JADE3: variants seen among roughly 807,000 people sequenced by gnomAD.
JADE3 encodes the protein protein Jade-3.
Under a neutral mutation model 50.1 loss-of-function variants are expected in JADE3, and 2 were observed. The ratio of observed to expected loss-of-function variants is 0.04; its 90% CI spans 0.02 to 0.13. The LOEUF (loss-of-function observed/expected upper bound fraction) is 0.13, where lower values mean the gene tolerates loss of function less well. Among genes scored for constraint, JADE3 ranks in the 10% least tolerant of loss-of-function variants. The pLI, the probability that JADE3 is intolerant of heterozygous loss-of-function variation, is 1.00. For synonymous variants in JADE3, 218 were observed against 232.9 expected, an observed-to-expected ratio of 0.94 and a Z score of 0.58; for missense variants, 475 against 634.4, an observed-to-expected ratio of 0.75 and a Z score of 2.70.
Position 47,059,244 on chromosome X carries a change from T to C in JADE3, c.*167T>C, listed in dbSNP as rs1929709169. On this transcript the variant is annotated 3_prime_UTR_variant, in exon 11 of 11. Transcript: ENST00000614628. ...TTTTTGAAAATGTTTCAAGTCTAGT[T>C]TTTACAAGCACATTACAGTAATTGC... 2 of 444,464 alleles carry C rather than the reference T, an allele frequency of 4.5e-6. No homozygotes were observed. The highest frequency in any genetic ancestry group is 7.4e-6 in the Non-Finnish European group (2 of 268,776). The allele number at this position is 444,464 out of a possible 1,213,427, so 36.6% of individuals were successfully genotyped here. A position where few individuals can be genotyped will look rare whatever the true frequency, so the allele number is the denominator to read the frequency against.
intron 1 of JADE3, among the ~76,000 whole-genome samples, chrX:46,930,250 T>C (rs1926461326): frequency 9.0e-6 from 1 of 111,206 alleles, no homozygotes; most frequent in African/African-American, 3.3e-5. Flanking sequence ...GGAAGAGAGA[T>C]GGTATGGAGA....
chrX:46,991,653 G>A (rs1391688401), intron 3 of JADE3, among the ~76,000 whole-genome samples: 1 of 111,428 alleles, frequency 9.0e-6, no homozygotes, highest in Non-Finnish European at 1.9e-5. Flanking sequence ...TTTTCCAAAG[G>A]GGCTCATCAT....
chrX:46,928,329 A>G (rs1926415137), intron 1 of JADE3, among the ~76,000 whole-genome samples: 1 of 111,391 alleles, frequency 9.0e-6, no homozygotes, highest in Non-Finnish European at 1.9e-5. Flanking sequence ...CCCCTACTAC[A>G]TATTTCCTCA....
intron 3 of JADE3, among the ~76,000 whole-genome samples, chrX:46,990,349 G>A (rs782134702): frequency 8.9e-6 from 1 of 111,762 alleles, no homozygotes; most frequent in South Asian, 3.8e-4. Flanking sequence ...GGGAAGAGGG[G>A]TCCTGACTCT....
chrX:46,974,374 C>T (rs1302143032), intron 1 of JADE3, among the ~76,000 whole-genome samples: 2 of 110,749 alleles, frequency 1.8e-5, no homozygotes, highest in Admixed American at 9.5e-5. Context: ...CACTGTACTC[C>T]AGCTTGGGCG....
chrX:47,060,238 G>C lies in JADE3; in HGVS notation c.*1161G>C, dbSNP rs889776486. ...GTAGGAAGAGAATAATTACATTTGC[G>C]GGGGGGGGGGTGGATAAAAACATGT... is the stretch of plus-strand genomic sequence containing the variant. On this transcript the variant is annotated 3_prime_UTR_variant, in exon 11 of 11. Transcript: ENST00000614628. The C allele has an allele frequency of 4.3e-4, 21 of 48,905 alleles. No homozygotes were observed. Among genetic ancestry groups the C allele is most frequent in the African/African-American group, 1.7e-3 (12 of 6,988 alleles). The allele number at this position is 48,905 out of a possible 1,213,427, so 4.0% of individuals were successfully genotyped here.
intron 1 of JADE3, among the ~76,000 whole-genome samples, chrX:46,968,595 GA>G (rs1292198314): frequency 5.4e-5 from 6 of 110,131 alleles, no homozygotes; most frequent in African/African-American, 1.7e-4. Flanking sequence ...TAAATGGATG[GA>G]AAAAAAATAT....
At position 47,058,363 on chromosome X, in the gene JADE3, A is replaced by G. The variant is rs1176386630; in HGVS notation, c.1758A>G (p.Leu586=). The G allele has an allele frequency of 8.3e-7, 1 of 1,208,702 alleles. No individual in the cohort carries two copies. Among genetic ancestry groups the G allele is most frequent in the Non-Finnish European group, 1.1e-6 (1 of 894,571 alleles). ...ACATGCAGGTGCCTCAGGAGTCACT[A>G]GAAATGAGAACAAAATCGTATCCGA... ...IRNMQVPQES[L]EMRTKSYPRY... is the part of the protein sequence containing the mutation. Residue 586 remains leucine, a synonymous_variant, in exon 11 of 11, where the codon CTA becomes CTG. Coordinates refer to ENST00000614628, the MANE Select transcript of JADE3 (RefSeq NM_014735.5).
chrX:47,043,912 A>T (rs190750429), intron 8 of JADE3, among the ~76,000 whole-genome samples: 1 of 111,309 alleles, frequency 9.0e-6, no homozygotes, highest in East Asian at 2.8e-4. Context: ...AATACATCAG[A>T]GTCTCTTAAC....
At chrX:47,014,349 C>T (rs1398945098) in intron 4 of JADE3, among the ~76,000 whole-genome samples, 1 of 111,990 alleles carries the variant, frequency 8.9e-6, no homozygotes, top group Non-Finnish European at 1.9e-5. Flanking sequence ...TTTTTCCTTG[C>T]AAATTGATGA....
At chrX:46,940,009 A>G (rs782010847) in intron 1 of JADE3, among the ~76,000 whole-genome samples, 3 of 112,570 alleles carry the variant, frequency 2.7e-5, no homozygotes, top group Non-Finnish European at 5.6e-5. Context: ...TTACACTACA[A>G]TGGCAGAATT....
At chrX:46,980,927 A>G (rs914920425) in intron 1 of JADE3, among the ~76,000 whole-genome samples, 182 of 111,375 alleles carry the variant, frequency 1.6e-3, no homozygotes, top group African/African-American at 5.7e-3. Context: ...TTAAAAGTGG[A>G]AGAGGGAAGC....
At chrX:47,029,964 T>G (rs781883890) in intron 6 of JADE3, among the ~76,000 whole-genome samples, 7 of 111,625 alleles carry the variant, frequency 6.3e-5, no homozygotes, top group Non-Finnish European at 1.3e-4. Flanking sequence ...CCATTTGTAG[T>G]CCTTATCCAT....
In JADE3 at chrX:47,028,049, T is replaced by C; in HGVS notation, c.633T>C (p.Ser211=). The C allele has an allele frequency of 8.3e-7, 1 of 1,209,883 alleles. No individual in the cohort carries two copies. Among genetic ancestry groups the C allele is most frequent in the South Asian group, 1.8e-5 (1 of 56,904 alleles). Reference sequence around the variant, plus strand: ...GTGATGTGTGCCGGTCTCCAGACAGTGAAGAAGGGAATGATATGGTGTTCT... The same window carrying C: ...GTGATGTGTGCCGGTCTCCAGACAGCGAAGAAGGGAATGATATGGTGTTCT... ...VICDVCRSPD[S]EEGNDMVFCD... is the part of the protein sequence containing the mutation. Residue 211 remains serine, a synonymous_variant, in exon 6 of 11, where the codon AGT becomes AGC. Coordinates refer to ENST00000614628, the MANE Select transcript of JADE3 (RefSeq NM_014735.5).
chrX:46,978,196 G>A (rs1440492548), intron 1 of JADE3, among the ~76,000 whole-genome samples: 3 of 111,611 alleles, frequency 2.7e-5, no homozygotes, highest in East Asian at 5.6e-4. Context: ...AACACCTAAC[G>A]ATAGCTGATG....
In JADE3 at chrX:47,054,247, C is replaced by T. The variant is rs782617614; in HGVS notation, c.1062C>T (p.Asp354=). The change falls in exon 9 of 11, where the codon GAC becomes GAT. Residue 354 remains aspartate, a synonymous_variant. Coordinates refer to ENST00000614628, the MANE Select transcript of JADE3 (RefSeq NM_014735.5). ...TGAAGACCATCCTAGATGAGGGAGACGAAGTGAAGTTCAAGTCATATTGCC... is the reference window on the plus strand; with the variant it reads ...TGAAGACCATCCTAGATGAGGGAGATGAAGTGAAGTTCAAGTCATATTGCC... ...LEMKTILDEG[D]EVKFKSYCLK... 5.4e-5 allele frequency: 65 copies of T among 1,205,927 alleles called. No homozygotes were observed. Among genetic ancestry groups the T allele is most frequent in the Non-Finnish European group, 6.9e-5 (62 of 893,463 alleles).
chrX:46,949,953 A>G (rs1926967417), intron 1 of JADE3, among the ~76,000 whole-genome samples: 1 of 111,814 alleles, frequency 8.9e-6, no homozygotes, highest in Non-Finnish European at 1.9e-5. Context: ...AAACAACCCA[A>G]ATGCCCTCCA....
At chrX:47,026,010 T>G (rs1556365444) in intron 5 of JADE3, among the ~76,000 whole-genome samples, 1 of 111,839 alleles carries the variant, frequency 8.9e-6, no homozygotes, top group Non-Finnish European at 1.9e-5. Flanking sequence ...TTCCTTGATT[T>G]TTAAAGCTTT....
intron 1 of JADE3, among the ~76,000 whole-genome samples, chrX:46,913,709 G>C (rs782533756): frequency 2.7e-5 from 3 of 110,362 alleles, no homozygotes; most frequent in East Asian, 2.8e-4. Context: ...TTGTGAGGAG[G>C]GGGTGGCGGG....
Sources: allele counts gnomAD v4.1 joint callset (sites outside exome capture counted in the v4.1 genomes callset), GRCh38; gene constraint gnomAD v4.1.1; transcripts MANE v1.5; gene names NCBI Gene and HGNC (gene_info 2026-07-23, HGNC 2026-07-21).